Variants in ENPP2 observed in about 807,000 individuals in gnomAD.
The protein encoded by ENPP2 is autotaxin.
In ENPP2, 51 loss-of-function variants were observed where a neutral mutation model predicts 120.2. The observed-to-expected ratio is 0.42, with a 90% CI of 0.34 to 0.54. The LOEUF (loss-of-function observed/expected upper bound fraction) is 0.54. Among genes scored for constraint, ENPP2 ranks in the 20% least tolerant of loss-of-function variants. ENPP2 has a pLI of 0.04. For missense variants in ENPP2, 920 were observed against 1,066.5 expected, an observed-to-expected ratio of 0.86 and a Z score of 1.91; for synonymous variants, 365 against 366.4, an observed-to-expected ratio of 1.00 and a Z score of 0.04.
intron 1 of ENPP2, among the ~76,000 whole-genome samples, chr8:119,653,538 C>T (rs143266080): frequency 6.6e-6 from 1 of 152,196 alleles, no homozygotes; most frequent in African/African-American, 2.4e-5. Flanking sequence ...TGCAAAGGCC[C>T]TGAAGTAGGA....
rs1181411436 is a variant in ENPP2, at chr8:119,582,446, C to T, written c.1700G>A (p.Cys567Tyr). The T allele has an allele frequency of 6.2e-7, 1 of 1,613,760 alleles. No individual in the cohort carries two copies. Among genetic ancestry groups the T allele is most frequent in the Non-Finnish European group, 8.5e-7 (1 of 1,179,858 alleles). Residue 567 changes from cysteine to tyrosine, a missense_variant, in exon 18 of 25, where the codon TGC (cysteine) becomes TAC (tyrosine). Coordinates refer to ENST00000075322, the MANE Select transcript of ENPP2 (RefSeq NM_001040092.3). ...MYLQSDFDLG[C>Y]TCDDKVEPKN... ...TGGCTCTACCTTATCATCACAAGTGCAGCCCAGGTCAAAATCAGACTGAAG... is the reference window on the plus strand; with the variant it reads ...TGGCTCTACCTTATCATCACAAGTGTAGCCCAGGTCAAAATCAGACTGAAG...
At chr8:119,558,548 T>C (rs1813660677) in intron 24 of ENPP2, among the ~76,000 whole-genome samples, 2 of 152,182 alleles carry the variant, frequency 1.3e-5, no homozygotes, top group Middle Eastern at 3.4e-3. Context: ...ATGTCCTGCA[T>C]CAAACAACTT....
intron 4 of ENPP2, 90 bp from the exon 5 acceptor site, chr8:119,619,394 G>T: frequency 7.1e-6 from 6 of 840,206 alleles, no homozygotes; most frequent in South Asian, 3.1e-5. Context: ...TGTCCTGTTT[G>T]ATACTTTCTT....
At chr8:119,588,837 A>T (rs1429387039) in intron 13 of ENPP2, among the ~76,000 whole-genome samples, 1 of 152,228 alleles carries the variant, frequency 6.6e-6, no homozygotes, top group East Asian at 1.9e-4. Flanking sequence ...TACTGGGGAC[A>T]TCAATCCTTC....
In ENPP2 at chr8:119,638,763, C is replaced by A; in HGVS notation, c.18G>T (p.Ser6=). The change falls in exon 1 of 25, where the codon TCG becomes TCT. Residue 6 remains serine, a synonymous_variant. Transcript: ENST00000075322. ...GTTCTCCCACCTGACACGACTGGAA[C>A]GAGCTCCTCCTTGCCATGTCGAGGA... MARRS[S]FQSCQIISLF... is the part of the protein sequence containing the mutation. 6.2e-7 allele frequency: 1 copy of A among 1,606,296 alleles called. No individual in the cohort carries two copies. Among genetic ancestry groups the A allele is most frequent in the Non-Finnish European group, 8.5e-7 (1 of 1,172,816 alleles).
intron 1 of ENPP2, among the ~76,000 whole-genome samples, chr8:119,644,587 AATATAT>A (rs33966650): frequency 0.015 from 876 of 59,982 alleles, 29 homozygotes; most frequent in African/African-American, 0.036. Flanking sequence ...AGATTACTAA[AATATAT>A]ATATATATAT....
At chr8:119,587,000 A>G in intron 14 of ENPP2, 44 bp downstream of exon 14, 1 of 1,586,070 alleles carries the variant, frequency 6.3e-7, no homozygotes, top group South Asian at 1.1e-5. Flanking sequence ...CTCCAGGGGC[A>G]GAGGCCTGGG....
chr8:119,672,993 G>T (rs1818296740), intron 1 of ENPP2, among the ~76,000 whole-genome samples: 1 of 152,158 alleles, frequency 6.6e-6, no homozygotes, highest in Non-Finnish European at 1.5e-5. Flanking sequence ...CAAGTTGGAC[G>T]GGCTCGCTTT....
At chr8:119,624,468 T>C (rs989807354) in intron 3 of ENPP2, among the ~76,000 whole-genome samples, 2 of 152,138 alleles carry the variant, frequency 1.3e-5, no homozygotes, top group Admixed American at 1.3e-4. Context: ...AATTTAGTAA[T>C]GTATATTTAA....
intron 1 of ENPP2, among the ~76,000 whole-genome samples, chr8:119,655,703 G>A (rs1327335832): frequency 6.6e-6 from 1 of 152,192 alleles, no homozygotes; most frequent in African/African-American, 2.4e-5. Context: ...TCTCTCAACA[G>A]TCTTACAAAA....
Position 119,557,421 on chromosome 8 carries a change from T to C in ENPP2, c.*100A>G. 1.0e-6 allele frequency: 1 copy of C among 975,178 alleles called. No homozygotes were observed. The highest frequency in any genetic ancestry group is 1.5e-6 in the Non-Finnish European group (1 of 658,750). 60.4% of individuals were successfully genotyped at this position (975,178 alleles called of 1,614,324 possible). ...TGTCAGATTTGGTACAGGATTAAAATACTAACATTTTTAATGTCCTGGTTT... is the reference window on the plus strand; with the variant it reads ...TGTCAGATTTGGTACAGGATTAAAACACTAACATTTTTAATGTCCTGGTTT... On this transcript the variant is annotated 3_prime_UTR_variant, in exon 25 of 25. Transcript: ENST00000075322.
chr8:119,557,498 C>G lies in ENPP2; in HGVS notation c.*23G>C. ...AAAAATATACAACCAGTTGATAAGA[C>G]TGTACTGCAGATGCTCAGAAAGTTA... On this transcript the variant is annotated 3_prime_UTR_variant, in exon 25 of 25. Coordinates refer to ENST00000075322, the MANE Select transcript of ENPP2 (RefSeq NM_001040092.3). 1 of 1,578,514 alleles carries G rather than the reference C, an allele frequency of 6.3e-7. No individual in the cohort carries two copies. The highest frequency in any genetic ancestry group is 8.7e-7 in the Non-Finnish European group (1 of 1,154,996).
At chr8:119,628,399 T>C (rs1816429110) in intron 2 of ENPP2, among the ~76,000 whole-genome samples, 1 of 152,242 alleles carries the variant, frequency 6.6e-6, no homozygotes, top group Admixed American at 6.5e-5. Context: ...AAATTTACCA[T>C]TTACACATAT....
At chr8:119,560,405 A>G (rs777883990) in intron 24 of ENPP2, among the ~76,000 whole-genome samples, 2 of 152,300 alleles carry the variant, frequency 1.3e-5, no homozygotes, top group Non-Finnish European at 2.9e-5. Context: ...AGTTGATAAC[A>G]GCTTGTCTCT....
At position 119,632,182 on chromosome 8, in the gene ENPP2, A is replaced by G. The variant is rs928795212; in HGVS notation, c.137-5462T>C. On this transcript the variant is annotated intron_variant, in intron 2 of 24. Coordinates refer to ENST00000075322, the MANE Select transcript of ENPP2 (RefSeq NM_001040092.3). ...CCTAAATCAAGAGAACATTGATGTA[A>G]GCACTTCAGATGTGTAACTTATTGA... Among the ~76,000 whole-genome samples the G allele has an allele frequency of 2.1e-4, 32 of 152,346 alleles. 2 individuals carry two copies. The highest frequency in any genetic ancestry group is 1.6e-3 in the Admixed American group (24 of 15,302).
At chr8:119,617,601 T>G (rs1217332217) in intron 5 of ENPP2, 38 bp from the exon 6 acceptor site, 1 of 1,417,506 alleles carries the variant, frequency 7.1e-7, no homozygotes, top group Non-Finnish European at 9.9e-7. Context: ...GAAACATTAT[T>G]ACCAGAGTTG....
chr8:119,588,356 C>T (rs1386449331), intron 13 of ENPP2, among the ~76,000 whole-genome samples: 9 of 151,512 alleles, frequency 5.9e-5, no homozygotes, highest in African/African-American at 1.7e-4. Flanking sequence ...GGTGAAATCC[C>T]GTCTCTACTA....
In ENPP2 at chr8:119,644,365, G is replaced by A. The variant is rs185281995; in HGVS notation, c.22-5838C>T. Among the ~76,000 whole-genome samples, 6 of 151,678 alleles carry A rather than the reference G, an allele frequency of 4.0e-5. No homozygotes were observed. In the East Asian group the frequency reaches 9.8e-4, roughly 25 times the overall value. On this transcript the variant is annotated intron_variant, in intron 1 of 25. Coordinates refer to the ENPP2 transcript ENST00000427067. Reference sequence around the variant, plus strand: ...ACTTTTTAATGAACTGGATATGGGAGTTGAGGGGCAGGAAGGTATTAAGTA... The same window carrying A: ...ACTTTTTAATGAACTGGATATGGGAATTGAGGGGCAGGAAGGTATTAAGTA...
intron 1 of ENPP2, among the ~76,000 whole-genome samples, chr8:119,645,512 A>G (rs1817418330): frequency 2.0e-5 from 3 of 152,068 alleles, no homozygotes; most frequent in Admixed American, 2.0e-4. Flanking sequence ...CAGCTTCATT[A>G]TTCTGGACAC....
Sources: gnomAD v4.1 joint callset for allele counts (sites outside exome capture counted in the v4.1 genomes callset) on GRCh38, gnomAD v4.1.1 for gene constraint, MANE v1.5 for transcripts, NCBI Gene and HGNC (gene_info 2026-07-23, HGNC 2026-07-21) for gene names.